The following VPS54 variants were observed in gnomAD, a reference collection of about 807,000 sequenced individuals.
VPS54 encodes the protein VPS54 subunit of GARP complex.
In VPS54, 45 loss-of-function variants were observed where a neutral mutation model predicts 121.5. The observed-to-expected ratio is 0.37, with a 90% CI of 0.29 to 0.47. VPS54 has a LOEUF of 0.47. VPS54 is among the 20% of genes least tolerant of loss of function. VPS54 has a pLI of 0.99. For synonymous variants in VPS54, 371 were observed against 385.8 expected, an observed-to-expected ratio of 0.96 and a Z score of 0.45; for missense variants, 1,090 against 1,131.4, an observed-to-expected ratio of 0.96 and a Z score of 0.52.
intron 3 of VPS54, chr2:63,974,960 G>GA: frequency 6.5e-7 from 1 of 1,541,528 alleles, no homozygotes; most frequent in Non-Finnish European, 8.8e-7. Flanking sequence ...AATGTTAAAA[G>GA]AAACAGTGAC....
chr2:64,008,664 A>G (rs563787500), intron 1 of VPS54, among the ~76,000 whole-genome samples: 5 of 152,148 alleles, frequency 3.3e-5, no homozygotes, highest in Non-Finnish European at 7.3e-5. Flanking sequence ...CCTGTGCCCA[A>G]TGTGTGAGTG....
intron 20 of VPS54, among the ~76,000 whole-genome samples, chr2:63,911,307 TAGGTATG>T (rs1558985048): frequency 1.3e-5 from 2 of 152,200 alleles, no homozygotes; most frequent in African/African-American, 4.8e-5. Flanking sequence ...TAACATAGTA[TAGGTATG>T]TTTGTACATA....
At chr2:63,991,563 G>A (rs1009391276) in intron 1 of VPS54, among the ~76,000 whole-genome samples, 1 of 152,286 alleles carries the variant, frequency 6.6e-6, no homozygotes, top group Admixed American at 6.5e-5. Context: ...AAATTGCACT[G>A]TTAAAAACTT....
At chr2:63,998,998 G>C (rs1220873939) in intron 1 of VPS54, among the ~76,000 whole-genome samples, 1 of 152,088 alleles carries the variant, frequency 6.6e-6, no homozygotes, top group Non-Finnish European at 1.5e-5. Flanking sequence ...CCAGGCTGGA[G>C]TGCGGTGGCA....
chr2:63,928,216 T>C (rs1674006586), intron 12 of VPS54, among the ~76,000 whole-genome samples: 1 of 152,164 alleles, frequency 6.6e-6, no homozygotes, highest in South Asian at 2.1e-4. Flanking sequence ...AATTGTCGGA[T>C]TCACCAAGGG....
intron 1 of VPS54, among the ~76,000 whole-genome samples, chr2:64,016,792 A>G (rs1678718852): frequency 6.6e-6 from 1 of 151,720 alleles, no homozygotes; most frequent in Non-Finnish European, 1.5e-5. Context: ...TATTTTTAGT[A>G]CAGACGGGGT....
intron 12 of VPS54, among the ~76,000 whole-genome samples, chr2:63,924,819 G>A (rs1485018371): frequency 6.6e-6 from 1 of 152,158 alleles, no homozygotes; most frequent in Non-Finnish European, 1.5e-5. Flanking sequence ...AGAGCAGTAG[G>A]AAAGACAGCC....
rs533314941 is a variant in VPS54 at position 63,994,274 on chromosome 2, G to A, written c.-20-10255C>T. On this transcript the variant is annotated intron_variant, in intron 1 of 22. Transcript: ENST00000272322. ...CCCTCTGTTCTTCTCTTCCTCTTTC[G>A]GCACTGAATCTCGCTTACACTAGGT... is the stretch of plus-strand genomic sequence containing the variant. Among the ~76,000 whole-genome samples, 62 of 151,906 alleles carry A rather than the reference G, an allele frequency of 4.1e-4. 1 individual carries two copies. Among genetic ancestry groups the A allele is most frequent in the East Asian group, 1.2e-3 (6 of 5,162 alleles).
intron 3 of VPS54, among the ~76,000 whole-genome samples, chr2:63,975,947 G>T (rs973509972): frequency 6.6e-6 from 1 of 152,174 alleles, no homozygotes; most frequent in Non-Finnish European, 1.5e-5. Context: ...GTTTCACCAC[G>T]TTGGCCAGGC....
chr2:64,009,433 A>G (rs1257204874), intron 1 of VPS54, among the ~76,000 whole-genome samples: 1 of 152,018 alleles, frequency 6.6e-6, no homozygotes, highest in African/African-American at 2.4e-5. Flanking sequence ...CTCCTGCCTC[A>G]GCCTCCTGAG....
intron 1 of VPS54, among the ~76,000 whole-genome samples, chr2:63,992,238 G>A (rs1032768332): frequency 2.6e-5 from 4 of 152,184 alleles, no homozygotes; most frequent in African/African-American, 4.8e-5. Flanking sequence ...CGAAAAGGCC[G>A]CTTATTGGAT....
intron 3 of VPS54, among the ~76,000 whole-genome samples, chr2:63,976,693 C>A (rs1243328875): frequency 1.3e-5 from 2 of 152,000 alleles, no homozygotes; most frequent in African/African-American, 2.4e-5. Flanking sequence ...ATAAATTGGT[C>A]CATTTCACCT....
At chr2:64,014,409 TA>T (rs1265008753) in intron 1 of VPS54, among the ~76,000 whole-genome samples, 2 of 152,226 alleles carry the variant, frequency 1.3e-5, no homozygotes, top group Non-Finnish European at 2.9e-5. Context: ...AATCTTTTCT[TA>T]ATAAGTTAAT....
At chr2:63,921,425 T>C in intron 12 of VPS54, 90 bp from the exon 13 acceptor site, 1 of 1,416,990 alleles carries the variant, frequency 7.1e-7, no homozygotes, top group South Asian at 1.5e-5. Flanking sequence ...ATGAAAAAGC[T>C]GTAAAATTCA....
At chr2:63,979,991 G>C (rs1023518706) in intron 3 of VPS54, among the ~76,000 whole-genome samples, 2 of 152,008 alleles carry the variant, frequency 1.3e-5, no homozygotes, top group East Asian at 3.9e-4. Flanking sequence ...GGCCAGGTTG[G>C]TTAATGGTTC....
At chr2:63,950,289 C>A (rs548697487) in intron 7 of VPS54, among the ~76,000 whole-genome samples, 9 of 152,150 alleles carry the variant, frequency 5.9e-5, no homozygotes, top group Admixed American at 5.9e-4. Context: ...GATGTTCTAT[C>A]GGGGTTCTCT....
At chr2:63,994,559 ACCTCTGTG>A (rs1677490994) in intron 1 of VPS54, among the ~76,000 whole-genome samples, 1 of 152,132 alleles carries the variant, frequency 6.6e-6, no homozygotes, top group Admixed American at 6.5e-5. Flanking sequence ...ACAAACACCC[ACCTCTGTG>A]CCTCGGACAT....
At chr2:63,938,933 G>A (rs10168446) in intron 11 of VPS54, among the ~76,000 whole-genome samples, 51,454 of 151,856 alleles carry the variant, frequency 0.34, 9,825 homozygotes, top group Non-Finnish European at 0.42. Context: ...GACCAAAAAG[G>A]AAGAAAAAAT....
chr2:64,005,086 C>CTTTTTTTTTTTTT (rs1559053926), intron 1 of VPS54, among the ~76,000 whole-genome samples: 1 of 76,604 alleles, frequency 1.3e-5, no homozygotes, highest in African/African-American at 5.8e-5. Context: ...TCTACTATTG[C>CTTTTTTTTTTTTT]TTCTTTTTTT....
Sources: allele counts gnomAD v4.1 joint callset (sites outside exome capture counted in the v4.1 genomes callset), GRCh38; gene constraint gnomAD v4.1.1; transcripts MANE v1.5; gene names NCBI Gene and HGNC (gene_info 2026-07-23, HGNC 2026-07-21).